RINL: variants seen among roughly 807,000 people sequenced by gnomAD.
RINL encodes the protein ras and Rab interactor-like protein.
A neutral mutation model predicts 58.1 loss-of-function variants in RINL; 39 were observed. The ratio of observed to expected loss-of-function variants is 0.67; its 90% CI spans 0.52 to 0.88. The LOEUF (loss-of-function observed/expected upper bound fraction) is 0.88. Among genes scored for constraint, RINL ranks in the 40% least tolerant of loss-of-function variants. RINL has a pLI of 0.00. For missense variants in RINL, 711 were observed against 749.2 expected, an observed-to-expected ratio of 0.95 and a Z score of 0.60; for synonymous variants, 286 against 323.1, an observed-to-expected ratio of 0.89 and a Z score of 1.23.
chr19:38,871,866 C>CGTGTG lies in RINL; in HGVS notation c.317_318insCACAC (p.Ser107ThrfsTer39). 1 of 1,613,592 alleles carries CGTGTG rather than the reference C, an allele frequency of 6.2e-7. No homozygotes were observed. ...TGCAGAGGTTGGAGGATTCCAGGGACACACCTGTGGTGGGGGGAGGAAGAA... is the reference window on the plus strand; with the variant it reads ...TGCAGAGGTTGGAGGATTCCAGGGACGTGTGACACCTGTGGTGGGGGGAGGAAGAA... On this transcript the variant is annotated frameshift_variant, in exon 5 of 12. Transcript: ENST00000591812. LOFTEE classifies it high-confidence loss of function.
chr19:38,872,850 G>A (rs1411038600), intron 4 of RINL, among the ~76,000 whole-genome samples: 6 of 151,582 alleles, frequency 4.0e-5, no homozygotes. Flanking sequence ...GCACATTCTG[G>A]ACATGTATCC....
At chr19:38,877,018 A>G (rs1185103810) in intron 1 of RINL, among the ~76,000 whole-genome samples, 1 of 152,158 alleles carries the variant, frequency 6.6e-6, no homozygotes, top group Non-Finnish European at 1.5e-5. Context: ...GGTTCAAGCG[A>G]TTCTTGTGCC....
In RINL at chr19:38,876,743, C is replaced by A; in HGVS notation, c.-1G>T. The stretch of plus-strand genomic sequence containing the variant: ...GTGCCTTGTCTTCTGGCTGGGCCAT[C>A]GTCAGGTTGCAGGAAGCCAGTGAGT... On this transcript the variant is annotated 5_prime_UTR_variant, in exon 2 of 12. Coordinates refer to ENST00000591812, the MANE Select transcript of RINL (RefSeq NM_001195833.2). The A allele has an allele frequency of 6.5e-7, 1 of 1,536,042 alleles. No homozygotes were observed. The highest frequency in any genetic ancestry group is 1.2e-5 in the South Asian group (1 of 84,060).
chr19:38,874,396 C>T (rs1231271350), intron 3 of RINL, among the ~76,000 whole-genome samples: 1 of 152,164 alleles, frequency 6.6e-6, no homozygotes, highest in East Asian at 1.9e-4. Flanking sequence ...CCTCAGCCTC[C>T]CAAGTAGCTG....
At chr19:38,872,467 C>T (rs1346978780) in intron 4 of RINL, among the ~76,000 whole-genome samples, 2 of 151,168 alleles carry the variant, frequency 1.3e-5, no homozygotes, top group East Asian at 3.9e-4. Context: ...GCCTGGGCGA[C>T]AAAAGTGAGA....
chr19:38,876,396 C>A lies in RINL; in HGVS notation c.145G>T (p.Val49Leu), dbSNP rs1286151369. Residue 49 changes from valine (V) to leucine (L), a missense_variant, in exon 3 of 12, where the codon GTG (valine) becomes TTG (leucine). Physicochemically the swap from Val to Leu is conservative, Grantham distance 32. Transcript: ENST00000591812. ...GTATCCAGCTCTGGCACATGCCACA[C>A]CCCCCATGTCCTCTGCAGGCGAGTA... Reference protein sequence around the residue: ...PLTRLQRTWGVWHVPELDTQD... With the variant: ...PLTRLQRTWGLWHVPELDTQD... 6.5e-7 allele frequency: 1 copy of A among 1,535,898 alleles called. No homozygotes were observed. Among genetic ancestry groups the A allele is most frequent in the Non-Finnish European group, 8.7e-7 (1 of 1,146,810 alleles).
chr19:38,870,850 G>A lies in RINL; in HGVS notation c.744C>T (p.Asp248=), dbSNP rs62640393. 53 of 1,606,986 alleles carry A rather than the reference G, an allele frequency of 3.3e-5. No individual in the cohort carries two copies. The highest frequency in any genetic ancestry group is 4.2e-5 in the Non-Finnish European group (49 of 1,179,994). The change falls in exon 8 of 12, where the codon GAC becomes GAT. Residue 248 remains aspartate (D), a synonymous_variant. Coordinates refer to ENST00000591812, the MANE Select transcript of RINL (RefSeq NM_001195833.2). This position sits in a 1 kb window ranked among gnomAD's most constrained non-coding sequence, Gnocchi z 5.8. ...DLEGKEEGRE[D]DPEEEGPEDV... is the part of the protein sequence containing the mutation. ...CCTCAGGGCCTTCCTCTTCAGGGTC[G>A]TCCTCCCTTCCTTCCTCCTTTCCTT...
At chr19:38,871,510 A>G in intron 6 of RINL, 137 bp downstream of exon 6, 1 of 824,436 alleles carries the variant, frequency 1.2e-6, no homozygotes, top group Non-Finnish European at 1.9e-6. Context: ...TACAAAGTCC[A>G]GGCCCCCAGC....
intron 4 of RINL, 60 bp from the exon 5 acceptor site, chr19:38,871,930 C>T: frequency 7.7e-7 from 1 of 1,292,488 alleles, no homozygotes; most frequent in Middle Eastern, 2.0e-4. Context: ...TTTCTGTCCC[C>T]TGGGATGCTC....
Position 38,870,483 on chromosome 19 carries a change from G to A in RINL, c.1024+87C>T. The A allele has an allele frequency of 7.1e-7, 1 of 1,409,450 alleles. No individual in the cohort carries two copies. Among genetic ancestry groups the A allele is most frequent in the Non-Finnish European group, 9.4e-7 (1 of 1,060,680 alleles). The allele number at this position is 1,409,450 out of a possible 1,614,324, so 87.3% of individuals were successfully genotyped here. On this transcript the variant is annotated intron_variant, in intron 8 of 11. Transcript: ENST00000591812. The surrounding 1 kb of genome is among the most constrained non-coding windows in gnomAD (Gnocchi z 5.8). ...TGGGATGTGTAGGAAGGGCGTGTGGGTGCAGAAGGAAACGTGTGCGCACCG... is the reference window on the plus strand; with the variant it reads ...TGGGATGTGTAGGAAGGGCGTGTGGATGCAGAAGGAAACGTGTGCGCACCG...
At chr19:38,877,802 C>CCCTTCCTT (rs550510337) in intron 1 of RINL, among the ~76,000 whole-genome samples, 1 of 151,866 alleles carries the variant, frequency 6.6e-6, no homozygotes, top group Non-Finnish European at 1.5e-5. Context: ...CTCCCTCCCT[C>CCCTTCCTT]CCTTCCTTCC....
chr19:38,870,569 C>A lies in RINL; in HGVS notation c.1024+1G>T. 6.4e-7 allele frequency: 1 copy of A among 1,559,542 alleles called. No individual in the cohort carries two copies. The highest frequency in any genetic ancestry group is 1.4e-5 in the African/African-American group (1 of 73,100). On this transcript the variant is annotated splice_donor_variant, in intron 8 of 11. Transcript: ENST00000591812. LOFTEE classifies it high-confidence loss of function. The surrounding 1 kb of genome is among the most constrained non-coding windows in gnomAD (Gnocchi z 5.8). ...GGGCTCCCTTCCAGTCCTCCCATTA[C>A]CTGGATCCTCGTCCTTCTTGGGGAG...
Position 38,868,797 on chromosome 19 carries a change from G to C in RINL, c.*307C>G, listed in dbSNP as rs918941381. On this transcript the variant is annotated 3_prime_UTR_variant, in exon 12 of 12. Coordinates refer to ENST00000591812, the MANE Select transcript of RINL (RefSeq NM_001195833.2). ...TTTGCACTGGCTCATCCTGCTTCTC[G>C]GAATGCTCTTCCTAATACCCACTCT... is the stretch of plus-strand genomic sequence containing the variant. The C allele has an allele frequency of 1.8e-5, 5 of 272,042 alleles. No homozygotes were observed. The highest frequency in any genetic ancestry group is 8.7e-5 in the African/African-American group (4 of 46,026). The allele number at this position is 272,042 out of a possible 1,614,324, so 16.9% of individuals were successfully genotyped here.
chr19:38,873,787 A>G, intron 4 of RINL, 99 bp downstream of exon 4: 2 of 714,116 alleles, frequency 2.8e-6, no homozygotes, highest in East Asian at 2.8e-5. Context: ...CGACCTACCA[A>G]AGTGCTGGGA....
chr19:38,875,238 A>T, intron 3 of RINL, among the ~76,000 whole-genome samples: 1 of 136,888 alleles, frequency 7.3e-6, no homozygotes. Context: ...TTTAATAGAG[A>T]CTGGGCCTTG....
chr19:38,869,446 G>A lies in RINL; in HGVS notation c.1475-36C>T, dbSNP rs368798168. On this transcript the variant is annotated intron_variant, in intron 10 of 11. Coordinates refer to ENST00000591812, the MANE Select transcript of RINL (RefSeq NM_001195833.2). This position sits in a 1 kb window ranked among gnomAD's most constrained non-coding sequence, Gnocchi z 5.7. Reference sequence around the variant, plus strand: ...AAAGGGAAGTCAGCTCCGCCCTCTCGGCTTCCCTGGTCGCCCCAAATCCCC... The same window carrying A: ...AAAGGGAAGTCAGCTCCGCCCTCTCAGCTTCCCTGGTCGCCCCAAATCCCC... 3.3e-5 allele frequency: 52 copies of A among 1,575,582 alleles called. No homozygotes were observed. The highest frequency in any genetic ancestry group is 4.3e-5 in the Non-Finnish European group (50 of 1,158,356).
At chr19:38,878,069 A>C (rs1600099749) in intron 1 of RINL, among the ~76,000 whole-genome samples, 163 bp downstream of exon 1, 1 of 151,090 alleles carries the variant, frequency 6.6e-6, no homozygotes, top group African/African-American at 2.4e-5. Context: ...GAAGGAAGGG[A>C]GGGGAGGGGA....
chr19:38,870,876 C>T lies in RINL; in HGVS notation c.718G>A (p.Glu240Lys), dbSNP rs756872598. 1.9e-6 allele frequency: 3 copies of T among 1,605,080 alleles called. No individual in the cohort carries two copies. The highest frequency in any genetic ancestry group is 1.1e-5 in the South Asian group (1 of 91,088). Reference sequence around the variant, plus strand: ...TCCTCCCTTCCTTCCTCCTTTCCTTCAAGGTCTTCCTCCTCCTCTTCCAGT... The same window carrying T: ...TCCTCCCTTCCTTCCTCCTTTCCTTTAAGGTCTTCCTCCTCCTCTTCCAGT... ...SLLEEEEEDLEGKEEGREDDP... is the reference protein window; with the variant it reads ...SLLEEEEEDLKGKEEGREDDP... The change falls in exon 8 of 12, where the codon GAA becomes AAA. Residue 240 changes from glutamate (E) to lysine (K), a missense_variant. Transcript: ENST00000591812. The surrounding 1 kb of genome is among the most constrained non-coding windows in gnomAD (Gnocchi z 5.8).
At chr19:38,877,273 G>A (rs73930222) in intron 1 of RINL, among the ~76,000 whole-genome samples, 1 of 152,308 alleles carries the variant, frequency 6.6e-6, no homozygotes, top group African/African-American at 2.4e-5. Context: ...CAGGAGAGAG[G>A]CCAGTGTGTC....
Sources: allele counts gnomAD v4.1 joint callset (sites outside exome capture counted in the v4.1 genomes callset), GRCh38; gene constraint gnomAD v4.1.1; non-coding constraint Gnocchi (gnomAD v3.1); transcripts MANE v1.5; gene names NCBI Gene and HGNC (gene_info 2026-07-23, HGNC 2026-07-21).